The following KIF6 variants were observed in gnomAD, a reference collection of about 807,000 sequenced individuals.
The protein encoded by KIF6 is kinesin family member 6.
KIF6 carries 106 observed loss-of-function variants against 112.7 expected under a neutral mutation model. The observed-to-expected ratio is 0.94, with a 90% confidence interval of 0.80 to 1.11. The LOEUF (loss-of-function observed/expected upper bound fraction) is 1.11. Among genes scored for constraint, KIF6 ranks in the 50% least tolerant of loss-of-function variants. The probability of loss-of-function intolerance (pLI) is 0.00; values close to 1 mark genes in which losing one functional copy is unlikely to be tolerated. For synonymous variants in KIF6, 339 were observed against 339.9 expected (o/e 1.00, Z 0.03); for missense variants, 929 against 964.0 (o/e 0.96, Z 0.48).
At chr6:39,642,779 C>T (rs1349662665) in intron 3 of KIF6, among the ~76,000 whole-genome samples, 2 of 152,136 alleles carry the variant, frequency 1.3e-5, no homozygotes, top group South Asian at 2.1e-4. Context: ...GAAGGCCACA[C>T]ACATGTGCAG....
chr6:39,402,962 C>A (rs868482570), intron 15 of KIF6, among the ~76,000 whole-genome samples: 3 of 152,176 alleles, frequency 2.0e-5, no homozygotes, highest in Non-Finnish European at 2.9e-5. Context: ...GCTCCTACTG[C>A]GTTCAGCCTG....
intron 6 of KIF6, among the ~76,000 whole-genome samples, chr6:39,611,748 T>A (rs1783227528): frequency 6.6e-6 from 1 of 152,208 alleles, no homozygotes; most frequent in African/African-American, 2.4e-5. Context: ...TTAAACTATA[T>A]ATGGAGGAAC....
chr6:39,569,382 T>A (rs1561819689), intron 10 of KIF6, among the ~76,000 whole-genome samples: 2 of 152,214 alleles, frequency 1.3e-5, no homozygotes, highest in Admixed American at 1.3e-4. Context: ...AGACATATAG[T>A]CATTGGGATG....
At chr6:39,575,414 G>A (rs909093613) in intron 10 of KIF6, among the ~76,000 whole-genome samples, 7 of 151,990 alleles carry the variant, frequency 4.6e-5, no homozygotes, top group African/African-American at 1.7e-4. Context: ...GGGACTACAG[G>A]CGCCCGCCAC....
intron 14 of KIF6, among the ~76,000 whole-genome samples, chr6:39,422,912 A>G (rs116417590): frequency 0.019 from 2,964 of 152,266 alleles, 89 homozygotes; most frequent in African/African-American, 0.064. Flanking sequence ...GGCCAAGGGT[A>G]TGCTGCACCC....
intron 3 of KIF6, among the ~76,000 whole-genome samples, chr6:39,658,648 G>A (rs550708266): frequency 6.6e-6 from 1 of 152,230 alleles, no homozygotes; most frequent in Non-Finnish European, 1.5e-5. Context: ...AAGAAAAAAA[G>A]CTTACTTTGT....
At chr6:39,595,575 T>C (rs1206522018) in intron 7 of KIF6, among the ~76,000 whole-genome samples, 8 of 152,228 alleles carry the variant, frequency 5.3e-5, no homozygotes, top group Admixed American at 4.6e-4. Flanking sequence ...AAGAGATGAA[T>C]GTATAAACAG....
At chr6:39,395,146 T>C (rs1382789932) in intron 15 of KIF6, among the ~76,000 whole-genome samples, 1 of 152,242 alleles carries the variant, frequency 6.6e-6, no homozygotes. Context: ...TCTTTTGCTG[T>C]GGGATATTCA....
intron 7 of KIF6, among the ~76,000 whole-genome samples, chr6:39,589,194 T>C (rs779764121): frequency 3.9e-5 from 6 of 152,204 alleles, no homozygotes; most frequent in Non-Finnish European, 8.8e-5. Context: ...CAGATTTCCA[T>C]ACAGCATACA....
chr6:39,339,509 G>A (rs1763206434), intron 22 of KIF6, among the ~76,000 whole-genome samples: 1 of 152,132 alleles, frequency 6.6e-6, no homozygotes, highest in South Asian at 2.1e-4. Context: ...GGCTGGGAGA[G>A]GCAGGACCTC....
intron 5 of KIF6, among the ~76,000 whole-genome samples, chr6:39,616,893 C>G (rs1442797686): frequency 6.6e-6 from 1 of 152,168 alleles, no homozygotes; most frequent in Admixed American, 6.5e-5. Context: ...AGTTTCTCAT[C>G]AAGTTCCTTC....
intron 3 of KIF6, among the ~76,000 whole-genome samples, chr6:39,656,252 C>G (rs187332723): frequency 1.4e-4 from 22 of 152,284 alleles, no homozygotes; most frequent in Non-Finnish European, 3.1e-4. Context: ...TACATGGGCT[C>G]TAAGTCCAAG....
chr6:39,448,161 A>G (rs995217430), intron 13 of KIF6, among the ~76,000 whole-genome samples: 1 of 152,088 alleles, frequency 6.6e-6, no homozygotes, highest in African/African-American at 2.4e-5. Context: ...TGCAATATGA[A>G]CAAAAAGTAC....
chr6:39,669,821 G>C lies in KIF6; in HGVS notation c.252-30064C>G, dbSNP rs527987515. Reference sequence around the variant, plus strand: ...GCAGAGGTGGCCAGGTGCTGGCTGAGCTGGCTCCTGAATATCTGGGCTTGG... The same window carrying C: ...GCAGAGGTGGCCAGGTGCTGGCTGACCTGGCTCCTGAATATCTGGGCTTGG... On this transcript the variant is annotated intron_variant, in intron 3 of 22. Coordinates refer to ENST00000287152, the MANE Select transcript of KIF6 (RefSeq NM_145027.6). Among the ~76,000 whole-genome samples the C allele has an allele frequency of 3.3e-5, 5 of 152,344 alleles. No homozygotes were observed. The South Asian group carries it at 1.0e-3, about 32-fold the overall frequency.
intron 18 of KIF6, among the ~76,000 whole-genome samples, chr6:39,358,946 A>G (rs1302043295): frequency 3.3e-5 from 5 of 152,238 alleles, no homozygotes; most frequent in Non-Finnish European, 7.3e-5. Context: ...CTTATTAATT[A>G]GTGCGTTTTA....
intron 13 of KIF6, among the ~76,000 whole-genome samples, chr6:39,514,657 A>G (rs1776963727): frequency 6.6e-6 from 1 of 152,212 alleles, no homozygotes; most frequent in South Asian, 2.1e-4. Context: ...CATATATAGA[A>G]GCTGTATGTA....
intron 6 of KIF6, among the ~76,000 whole-genome samples, chr6:39,612,502 A>G (rs1260933835): frequency 6.6e-6 from 1 of 152,178 alleles, no homozygotes; most frequent in Non-Finnish European, 1.5e-5. Context: ...AAGCTGGGTC[A>G]ATCCTAGCTC....
At chr6:39,621,230 C>CAA (rs762643286) in intron 5 of KIF6, among the ~76,000 whole-genome samples, 4 of 121,422 alleles carry the variant, frequency 3.3e-5, no homozygotes, top group Non-Finnish European at 6.5e-5. Flanking sequence ...CACACACACA[C>CAA]ACGTACACAT....
intron 9 of KIF6, among the ~76,000 whole-genome samples, chr6:39,582,279 C>A (rs1438192364): frequency 6.6e-6 from 1 of 152,184 alleles, no homozygotes; most frequent in Non-Finnish European, 1.5e-5. Flanking sequence ...ACTGAAGGAA[C>A]CCTGGCATTA....
Sources: gnomAD v4.1 joint callset for allele counts (sites outside exome capture counted in the v4.1 genomes callset) on GRCh38, gnomAD v4.1.1 for gene constraint, MANE v1.5 for transcripts, NCBI Gene and HGNC (gene_info 2026-07-23, HGNC 2026-07-21) for gene names.